The following TNPO1 variants were observed in gnomAD, a reference collection of about 807,000 sequenced individuals.
TNPO1 encodes the protein transportin 1, also known as transportin-1.
A neutral mutation model predicts 119.5 loss-of-function variants in TNPO1; 8 were observed. The ratio of observed to expected loss-of-function variants is 0.07; its 90% confidence interval spans 0.04 to 0.12. TNPO1 has a LOEUF of 0.12. Among genes scored for constraint, TNPO1 ranks in the 10% least tolerant of loss-of-function variants. The pLI is 1.00. For synonymous variants in TNPO1, 362 were observed against 363.0 expected (o/e 1.00, Z 0.03); for missense variants, 576 against 1,089.8 (o/e 0.53, Z 6.64).
At chr5:72,844,346 A>G (rs155434) in intron 1 of TNPO1, among the ~76,000 whole-genome samples, 23,014 of 152,162 alleles carry the variant, frequency 0.15, 1,988 homozygotes, top group East Asian at 0.35. Context: ...AAAATCAGTG[A>G]ATGAGGGTAG....
At chr5:72,858,760 C>T (rs1257486100) in intron 4 of TNPO1, among the ~76,000 whole-genome samples, 2 of 151,848 alleles carry the variant, frequency 1.3e-5, no homozygotes. Context: ...TGGCATGAAC[C>T]CGGGAGGCGG....
intron 8 of TNPO1, among the ~76,000 whole-genome samples, chr5:72,876,465 C>T (rs573615671): frequency 3.9e-5 from 6 of 152,262 alleles, no homozygotes; most frequent in African/African-American, 1.4e-4. Flanking sequence ...AAATTATATT[C>T]GCACTAAGAG....
At chr5:72,875,428 C>G (rs1289482041) in intron 7 of TNPO1, among the ~76,000 whole-genome samples, 187 bp from the exon 8 acceptor site, 2 of 152,184 alleles carry the variant, frequency 1.3e-5, no homozygotes, top group African/African-American at 4.8e-5. Context: ...AGCTCTTCAT[C>G]TTTTATCAAA....
chr5:72,855,942 G>T lies in TNPO1; in HGVS notation c.355+19G>T, dbSNP rs1179022498. ...ACTGTTGGTAAGTTATATTACAACA[G>T]TTTTGCTTACTTTGTTTGTAACTGG... On this transcript the variant is annotated intron_variant, in intron 4 of 24. Coordinates refer to ENST00000337273, the MANE Select transcript of TNPO1 (RefSeq NM_002270.4). 1 of 1,611,006 alleles carries T rather than the reference G, an allele frequency of 6.2e-7. No individual in the cohort carries two copies. The highest frequency in any genetic ancestry group is 1.3e-5 in the African/African-American group (1 of 74,796).
At chr5:72,876,670 A>G (rs1050327155) in intron 8 of TNPO1, among the ~76,000 whole-genome samples, 5 of 152,204 alleles carry the variant, frequency 3.3e-5, no homozygotes, top group Non-Finnish European at 7.3e-5. Flanking sequence ...TCACATTTCA[A>G]AAATCTCAGT....
chr5:72,879,007 G>A, intron 9 of TNPO1: 2 of 437,946 alleles, frequency 4.6e-6, no homozygotes, highest in South Asian at 3.5e-5. Context: ...TTTGCCGCCA[G>A]GAGTCTCTGT....
intron 12 of TNPO1, among the ~76,000 whole-genome samples, chr5:72,887,644 G>A (rs953771237): frequency 6.6e-6 from 1 of 152,042 alleles, no homozygotes; most frequent in Non-Finnish European, 1.5e-5. Flanking sequence ...GAATTCGTGC[G>A]ATTGCACTCC....
intron 4 of TNPO1, among the ~76,000 whole-genome samples, chr5:72,857,476 G>A (rs1746093965): frequency 6.6e-6 from 1 of 152,130 alleles, no homozygotes; most frequent in Non-Finnish European, 1.5e-5. Flanking sequence ...GGACATTTGT[G>A]GTTTGAGAAA....
intron 11 of TNPO1, among the ~76,000 whole-genome samples, chr5:72,884,815 C>T (rs1341392087): frequency 6.6e-6 from 1 of 152,060 alleles, no homozygotes; most frequent in Non-Finnish European, 1.5e-5. Context: ...GGAGGCTGTC[C>T]TGCACGTTGT....
chr5:72,826,313 T>C (rs985443445), intron 1 of TNPO1, among the ~76,000 whole-genome samples: 1 of 152,202 alleles, frequency 6.6e-6, no homozygotes, highest in Non-Finnish European at 1.5e-5. Flanking sequence ...GCCCTGTTTT[T>C]GTACATCCTA....
intron 4 of TNPO1, among the ~76,000 whole-genome samples, chr5:72,860,483 T>A (rs1231566771): frequency 6.6e-6 from 1 of 152,272 alleles, no homozygotes; most frequent in Admixed American, 6.5e-5. Context: ...AAACTTTCCT[T>A]ACATTTGTGT....
chr5:72,854,522 T>A (rs1424014070), intron 3 of TNPO1, among the ~76,000 whole-genome samples: 2 of 152,204 alleles, frequency 1.3e-5, no homozygotes, highest in African/African-American at 2.4e-5. Context: ...GCTCTTCATC[T>A]TATAGCCCTT....
chr5:72,873,192 T>C (rs181182919), intron 7 of TNPO1, among the ~76,000 whole-genome samples: 54 of 152,228 alleles, frequency 3.5e-4, no homozygotes, highest in African/African-American at 1.2e-3. Context: ...ATAGACTCTT[T>C]AGGCATTTTG....
chr5:72,862,100 T>C (rs531429109), intron 5 of TNPO1, among the ~76,000 whole-genome samples, 186 bp downstream of exon 5: 5 of 152,356 alleles, frequency 3.3e-5, no homozygotes, highest in Middle Eastern at 3.4e-3. Context: ...ACTGTTACAT[T>C]ATAAACCTCT....
intron 22 of TNPO1, among the ~76,000 whole-genome samples, chr5:72,902,460 A>G (rs1029366262): frequency 2.6e-5 from 4 of 152,014 alleles, no homozygotes; most frequent in Non-Finnish European, 4.4e-5. Flanking sequence ...AGCCAGTGCC[A>G]TCTTGAGAGG....
At chr5:72,855,695 TAAA>T (rs1438756774) in intron 3 of TNPO1, 76 bp from the exon 4 acceptor site, 1 of 1,206,740 alleles carries the variant, frequency 8.3e-7, no homozygotes, top group African/African-American at 1.5e-5. Context: ...CTTTTGAATA[TAAA>T]TGTTTTTAAA....
In TNPO1 at chr5:72,909,593, A is replaced by G. The variant is rs544966365; in HGVS notation, c.*920A>G. On this transcript the variant is annotated 3_prime_UTR_variant, in exon 25 of 25. Coordinates refer to ENST00000337273, the MANE Select transcript of TNPO1 (RefSeq NM_002270.4). ...TGAAAGTAATTTAAATTAGTGGGAAAGTAGCATGCTTGCATCACATAGAGT... is the reference window on the plus strand; with the variant it reads ...TGAAAGTAATTTAAATTAGTGGGAAGGTAGCATGCTTGCATCACATAGAGT... The G allele has an allele frequency of 6.6e-6, 1 of 152,520 alleles. No individual in the cohort carries two copies. The highest frequency in any genetic ancestry group is 2.1e-4 in the South Asian group (1 of 4,830). 9.4% of individuals were successfully genotyped at this position (152,520 alleles called of 1,614,324 possible). A position where few individuals can be genotyped will look rare whatever the true frequency, so the allele number is the denominator to read the frequency against.
intron 1 of TNPO1, among the ~76,000 whole-genome samples, chr5:72,827,968 A>C (rs1017075328): frequency 2.0e-5 from 3 of 152,012 alleles, no homozygotes; most frequent in Non-Finnish European, 2.9e-5. Flanking sequence ...TGAGATGCCC[A>C]TTTGACAAAC....
intron 1 of TNPO1, among the ~76,000 whole-genome samples, chr5:72,835,762 C>G (rs1283480287): frequency 6.6e-6 from 1 of 152,136 alleles, no homozygotes; most frequent in Non-Finnish European, 1.5e-5. Context: ...CCAAGAGCCC[C>G]AGAAGTCTTA....
Sources: gnomAD v4.1 joint callset for allele counts (sites outside exome capture counted in the v4.1 genomes callset) on GRCh38, gnomAD v4.1.1 for gene constraint, MANE v1.5 for transcripts, NCBI Gene and HGNC (gene_info 2026-07-23, HGNC 2026-07-21) for gene names.